The following RGS17 variants were observed in gnomAD, a reference collection of about 807,000 sequenced individuals.
RGS17 encodes the protein regulator of G-protein signaling 17.
Under a neutral mutation model 25.5 loss-of-function variants are expected in RGS17, and 12 were observed. The observed-to-expected ratio is 0.47, with a 90% CI of 0.30 to 0.76. The LOEUF (loss-of-function observed/expected upper bound fraction) is 0.76. RGS17 is among the 30% of genes least tolerant of loss of function. The pLI is 0.07. For synonymous variants in RGS17, 71 were observed against 76.9 expected, an observed-to-expected ratio of 0.92 and a Z score of 0.40; for missense variants, 196 against 242.2, an observed-to-expected ratio of 0.81 and a Z score of 1.27.
intron 1 of RGS17, among the ~76,000 whole-genome samples, chr6:153,054,643 T>C (rs1776528504): frequency 1.5e-5 from 2 of 134,982 alleles, no homozygotes; most frequent in South Asian, 5.1e-4. Context: ...AGTGCATGAC[T>C]TCATCTCAAA....
intron 3 of RGS17, among the ~76,000 whole-genome samples, chr6:153,025,324 A>G (rs1050349370): frequency 2.6e-5 from 4 of 151,784 alleles, no homozygotes; most frequent in Admixed American, 1.3e-4. Context: ...AAAAAAAAAA[A>G]GGTTTTTTTC....
At chr6:153,074,045 G>A (rs1776843591) in intron 1 of RGS17, among the ~76,000 whole-genome samples, 1 of 152,150 alleles carries the variant, frequency 6.6e-6, no homozygotes, top group Non-Finnish European at 1.5e-5. Context: ...CTCAAGTTGT[G>A]TAACAATTCC....
At chr6:153,053,420 C>G (rs9371660) in intron 1 of RGS17, among the ~76,000 whole-genome samples, 58,581 of 152,002 alleles carry the variant, frequency 0.39, 11,981 homozygotes, top group East Asian at 0.62. Flanking sequence ...AACGATCAGG[C>G]TGTGATTGCA....
intron 1 of RGS17, among the ~76,000 whole-genome samples, chr6:153,082,712 G>T (rs1777002621): frequency 6.6e-6 from 1 of 151,956 alleles, no homozygotes; most frequent in Non-Finnish European, 1.5e-5. Flanking sequence ...ATATTTTACT[G>T]TGTTTTTGCA....
intron 1 of RGS17, among the ~76,000 whole-genome samples, chr6:153,129,645 T>C (rs1180380246): frequency 4.6e-5 from 7 of 152,174 alleles, no homozygotes; most frequent in Non-Finnish European, 7.4e-5. Context: ...CTGCTTATTC[T>C]AGATGGGAAC....
At chr6:153,074,518 A>G (rs1357621455) in intron 1 of RGS17, among the ~76,000 whole-genome samples, 1 of 152,196 alleles carries the variant, frequency 6.6e-6, no homozygotes, top group Non-Finnish European at 1.5e-5. Flanking sequence ...TTAAAGCAGA[A>G]TGGATGTTGG....
intron 1 of RGS17, among the ~76,000 whole-genome samples, chr6:153,124,880 G>T (rs568368443): frequency 1.3e-5 from 2 of 152,134 alleles, no homozygotes; most frequent in African/African-American, 4.8e-5. Context: ...TGGACATAGG[G>T]TCGTCTACCA....
chr6:153,044,097 G>A (rs888712313), intron 1 of RGS17, 54 bp from the exon 2 acceptor site: 25 of 838,622 alleles, frequency 3.0e-5, no homozygotes, highest in Non-Finnish European at 4.1e-5. Context: ...AGGATAAGTT[G>A]CGTATGCTGA....
intron 2 of RGS17, among the ~76,000 whole-genome samples, chr6:153,034,311 T>C (rs1391792436): frequency 6.6e-6 from 1 of 152,142 alleles, no homozygotes; most frequent in Non-Finnish European, 1.5e-5. Flanking sequence ...AGCTGTGCAG[T>C]GCATGCTCCA....
At chr6:153,125,938 C>A (rs985202154) in intron 1 of RGS17, among the ~76,000 whole-genome samples, 1 of 152,096 alleles carries the variant, frequency 6.6e-6, no homozygotes, top group African/African-American at 2.4e-5. Context: ...CTTTTGAAAC[C>A]AAATTTGTCA....
At chr6:153,018,434 G>A (rs903190387) in intron 4 of RGS17, among the ~76,000 whole-genome samples, 2 of 152,020 alleles carry the variant, frequency 1.3e-5, no homozygotes, top group African/African-American at 2.4e-5. Flanking sequence ...TGGTACCATC[G>A]GTCCTCGTGG....
chr6:153,014,101 T>C (rs1347579290), intron 4 of RGS17, among the ~76,000 whole-genome samples: 2 of 152,204 alleles, frequency 1.3e-5, no homozygotes, highest in Non-Finnish European at 2.9e-5. Context: ...ATTTCAAAGA[T>C]TCAAGGACAG....
At chr6:153,070,804 T>C (rs184619895) in intron 1 of RGS17, among the ~76,000 whole-genome samples, 3 of 151,066 alleles carry the variant, frequency 2.0e-5, no homozygotes, top group Admixed American at 1.3e-4. Context: ...TACATATACA[T>C]ATACACATAT....
rs144245888 is a variant in RGS17 at position 153,115,329 on chromosome 6, C to T, written c.-26+15795G>A. 4.2e-3 allele frequency among the ~76,000 whole-genome samples: 642 copies of T among 152,228 alleles called. 1 individual carries two copies. Among genetic ancestry groups the T allele is most frequent in the African/African-American group, 0.015 (607 of 41,530 alleles). On this transcript the variant is annotated intron_variant, in intron 1 of 4. Transcript: ENST00000206262. ...CAAATCATGAGTGTACTCCCATTCA[C>T]AATTGCTACAAGGAGAATAAAATAC...
intron 2 of RGS17, among the ~76,000 whole-genome samples, chr6:153,040,596 T>C (rs1776309044): frequency 1.3e-5 from 2 of 152,172 alleles, no homozygotes; most frequent in Non-Finnish European, 2.9e-5. Context: ...TTTTGATTTC[T>C]AACTTTTTTT....
At chr6:153,025,328 T>A (rs1779288248) in intron 3 of RGS17, among the ~76,000 whole-genome samples, 2 of 151,886 alleles carry the variant, frequency 1.3e-5, no homozygotes, top group African/African-American at 2.4e-5. Context: ...AAAAAAAGGT[T>A]TTTTTCCTAC....
rs367841076 is a variant in RGS17, at chr6:153,010,883, C to CT, written c.*690dup. ...TGTTTTGTGCTTTTTTCCTTCTTCCCTTTTTTTTTTTTTTTGTTTTTTGCT... is the reference window on the plus strand; with the variant it reads ...TGTTTTGTGCTTTTTTCCTTCTTCCCTTTTTTTTTTTTTTTTGTTTTTTGCT... On this transcript the variant is annotated 3_prime_UTR_variant, in exon 5 of 5. Transcript: ENST00000206262. The CT allele has an allele frequency of 0.11, 15,357 of 137,764 alleles. 910 individuals carry two copies. The highest frequency in any genetic ancestry group is 0.18 in the Admixed American group (2,440 of 13,580). The allele number at this position is 137,764 out of a possible 1,614,324, so 8.5% of individuals were successfully genotyped here.
rs927704938 is a variant in RGS17, at chr6:153,130,475, C to T, written c.-26+649G>A. On this transcript the variant is annotated intron_variant, in intron 1 of 4. Transcript: ENST00000206262. The surrounding 1 kb of genome is among the most constrained non-coding windows in gnomAD (Gnocchi z 6.4). ...AGAGACCCCCCACCCCCTATACATA[C>T]ATACACATACACACACACACACACA... 2.1e-4 allele frequency among the ~76,000 whole-genome samples: 26 copies of T among 123,204 alleles called. No homozygotes were observed. The highest frequency in any genetic ancestry group is 8.1e-4 in the African/African-American group (24 of 29,582). The allele number at this position is 123,204 out of a possible 152,430, so 80.8% of individuals were successfully genotyped here. A position where few individuals can be genotyped will look rare whatever the true frequency, so the allele number is the denominator to read the frequency against.
intron 1 of RGS17, among the ~76,000 whole-genome samples, chr6:153,128,008 A>T (rs897797887): frequency 2.6e-5 from 4 of 152,198 alleles, no homozygotes; most frequent in African/African-American, 9.6e-5. Flanking sequence ...AAGTTAGGAA[A>T]GTGTCTTTTT....
Sources: gnomAD v4.1 joint callset for allele counts (sites outside exome capture counted in the v4.1 genomes callset) on GRCh38, gnomAD v4.1.1 for gene constraint, Gnocchi (gnomAD v3.1) non-coding constraint, MANE v1.5 for transcripts, NCBI Gene and HGNC (gene_info 2026-07-23, HGNC 2026-07-21) for gene names.